Variants in SLC6A6 observed in about 807,000 individuals in gnomAD.
SLC6A6 encodes sodium- and chloride-dependent taurine transporter.
SLC6A6 carries 16 observed loss-of-function variants against 68.8 expected under a neutral mutation model. The observed-to-expected ratio is 0.23, with a 90% CI of 0.16 to 0.35. SLC6A6 has a LOEUF of 0.35. SLC6A6 is among the 10% of genes least tolerant of loss of function. The pLI is 1.00. For synonymous variants in SLC6A6, 312 were observed against 315.4 expected (o/e 0.99, Z 0.12); for missense variants, 474 against 802.8 (o/e 0.59, Z 4.95).
chr3:14,408,339 C>CT (rs1448103837), intron 1 of SLC6A6, among the ~76,000 whole-genome samples: 9,026 of 145,976 alleles, frequency 0.062, 886 homozygotes, highest in African/African-American at 0.21. Context: ...ATATCTCTTT[C>CT]TTTTTTTTTT....
intron 1 of SLC6A6, chr3:14,411,204 A>G (rs1196443623): frequency 2.0e-5 from 3 of 152,274 alleles, no homozygotes; most frequent in African/African-American, 7.2e-5. Context: ...TTAGCCTGGC[A>G]TTGGAGGCCC....
At chr3:14,466,265 TAA>T (rs11310077) in intron 6 of SLC6A6, among the ~76,000 whole-genome samples, 79 of 110,224 alleles carry the variant, frequency 7.2e-4, no homozygotes, top group Admixed American at 9.9e-4. Context: ...GTCTCAAATT[TAA>T]AAAAAAAAAA....
chr3:14,442,541 G>A (rs1390945516), intron 2 of SLC6A6, among the ~76,000 whole-genome samples: 1 of 152,244 alleles, frequency 6.6e-6, no homozygotes, highest in Non-Finnish European at 1.5e-5. Flanking sequence ...TCAGTTCTCA[G>A]AGAGCCAGGG....
At position 14,450,493 on chromosome 3, in the gene SLC6A6, C is replaced by T. The variant is rs571254307; in HGVS notation, c.599+2677C>T. Among the ~76,000 whole-genome samples, 2 of 152,342 alleles carry T rather than the reference C, an allele frequency of 1.3e-5. No homozygotes were observed. The highest frequency in any genetic ancestry group is 4.8e-5 in the African/African-American group (2 of 41,568). Reference sequence around the variant, plus strand: ...CTGCCAGCTTGGTACTCACCTCCCACTCCAGCTCTCACACCTCTCCTACCC... The same window carrying T: ...CTGCCAGCTTGGTACTCACCTCCCATTCCAGCTCTCACACCTCTCCTACCC... On this transcript the variant is annotated intron_variant, in intron 5 of 14. Coordinates refer to ENST00000622186, the MANE Select transcript of SLC6A6 (RefSeq NM_003043.6). The surrounding 1 kb of genome is among the most constrained non-coding windows in gnomAD (Gnocchi z 4.1).
chr3:14,452,005 T>TTGCTGGCAGGTGC (rs916666607), intron 5 of SLC6A6, among the ~76,000 whole-genome samples: 3 of 151,986 alleles, frequency 2.0e-5, no homozygotes, highest in African/African-American at 4.8e-5. Flanking sequence ...TCAGCAGGAG[T>TTGCTGGCAGGTGC]TGCTGGCAGG....
chr3:14,447,711 G>T lies in SLC6A6; in HGVS notation c.494G>T (p.Ser165Ile). ...KELPWAHCNH[S>I]WNTPHCMEDT... is the part of the protein sequence containing the mutation. ...CTGCCCTGGGCACACTGCAACCACA[G>T]CTGGAACACACCTCACTGCATGGAG... Residue 165 changes from serine (S) to isoleucine (I), a missense_variant, in exon 5 of 15, where the codon AGC becomes ATC. Transcript: ENST00000622186. 1.2e-6 allele frequency: 2 copies of T among 1,614,270 alleles called. No individual in the cohort carries two copies. Among genetic ancestry groups the T allele is most frequent in the Admixed American group, 1.7e-5 (1 of 60,036 alleles).
intron 3 of SLC6A6, 95 bp downstream of exon 3, chr3:14,443,958 T>G: frequency 1.2e-6 from 1 of 820,938 alleles, no homozygotes; most frequent in Non-Finnish European, 2.0e-6. Context: ...TCTCTTTCCC[T>G]GCTTTCCCTG....
chr3:14,476,123 G>A (rs1700873483), intron 10 of SLC6A6, among the ~76,000 whole-genome samples: 1 of 152,220 alleles, frequency 6.6e-6, no homozygotes, highest in Non-Finnish European at 1.5e-5. Flanking sequence ...GCCTTGGAGG[G>A]TGTGTTGGTT....
At chr3:14,408,289 T>C (rs1699155289) in intron 1 of SLC6A6, among the ~76,000 whole-genome samples, 1 of 152,156 alleles carries the variant, frequency 6.6e-6, no homozygotes, top group Non-Finnish European at 1.5e-5. Flanking sequence ...AAGTACAATC[T>C]GATCTTCAGT....
Position 14,481,052 on chromosome 3 carries a change from C to T in SLC6A6, c.1552-619C>T, listed in dbSNP as rs1700995105. The stretch of plus-strand genomic sequence containing the variant: ...ATCTACGCTGCTAGCACTTATGGTG[C>T]ACTTGTTGTATGTACCTGGAGCTGC... On this transcript the variant is annotated intron_variant, in intron 13 of 14. Coordinates refer to ENST00000622186, the MANE Select transcript of SLC6A6 (RefSeq NM_003043.6). The surrounding 1 kb of genome is among the most constrained non-coding windows in gnomAD (Gnocchi z 4.7). 6.6e-6 allele frequency among the ~76,000 whole-genome samples: 1 copy of T among 152,342 alleles called. No individual in the cohort carries two copies. The highest frequency in any genetic ancestry group is 1.9e-4 in the East Asian group (1 of 5,174).
chr3:14,461,241 A>G (rs2124971667), intron 6 of SLC6A6, among the ~76,000 whole-genome samples: 1 of 152,228 alleles, frequency 6.6e-6, no homozygotes, highest in African/African-American at 2.4e-5. Context: ...AATCCTCCTC[A>G]TGGTTTGGAG....
intron 5 of SLC6A6, chr3:14,448,217 G>T: frequency 2.5e-6 from 1 of 397,034 alleles, no homozygotes; most frequent in Non-Finnish European, 3.6e-6. Context: ...GTAGTTAAGT[G>T]GAAAGTGAGT....
At chr3:14,482,715 G>A (rs1205064955) in intron 14 of SLC6A6, among the ~76,000 whole-genome samples, 4 of 152,182 alleles carry the variant, frequency 2.6e-5, no homozygotes, top group Non-Finnish European at 5.9e-5. Context: ...GAAGCTGGCA[G>A]GGCAGGAGGA....
intron 10 of SLC6A6, among the ~76,000 whole-genome samples, chr3:14,476,774 C>T (rs1308729947): frequency 6.6e-6 from 1 of 152,234 alleles, no homozygotes; most frequent in African/African-American, 2.4e-5. Flanking sequence ...TTATCTTCCA[C>T]GAGGATGGAG....
chr3:14,447,392 C>G (rs1196839865), intron 4 of SLC6A6, among the ~76,000 whole-genome samples, 190 bp from the exon 5 acceptor site: 1 of 152,218 alleles, frequency 6.6e-6, no homozygotes, highest in African/African-American at 2.4e-5. Flanking sequence ...TCCCATTTAT[C>G]TAACCATCTG....
At chr3:14,436,766 C>G (rs963812667) in intron 2 of SLC6A6, among the ~76,000 whole-genome samples, 4 of 152,080 alleles carry the variant, frequency 2.6e-5, no homozygotes, top group African/African-American at 9.7e-5. Context: ...GCCATCTGTC[C>G]TGCCTGAGTC....
At chr3:14,430,310 T>G (rs568172179) in intron 2 of SLC6A6, among the ~76,000 whole-genome samples, 1 of 151,920 alleles carries the variant, frequency 6.6e-6, no homozygotes, top group African/African-American at 2.4e-5. Flanking sequence ...GCTAAGCACG[T>G]GGGAGCAGAG....
chr3:14,473,176 GC>G (rs2124988985), intron 10 of SLC6A6, among the ~76,000 whole-genome samples: 1 of 152,306 alleles, frequency 6.6e-6, no homozygotes, highest in African/African-American at 2.4e-5. Flanking sequence ...GAGCTCCTGG[GC>G]CCCTTTCCCT....
At chr3:14,403,241 C>T (rs997745162) in intron 1 of SLC6A6, among the ~76,000 whole-genome samples, 5 of 151,872 alleles carry the variant, frequency 3.3e-5, no homozygotes, top group South Asian at 2.1e-4. Flanking sequence ...ATGTGTGTTC[C>T]GGTGCATGTC....
Sources: gnomAD v4.1 joint callset for allele counts (sites outside exome capture counted in the v4.1 genomes callset) on GRCh38, gnomAD v4.1.1 for gene constraint, Gnocchi (gnomAD v3.1) non-coding constraint, MANE v1.5 for transcripts, NCBI Gene and HGNC (gene_info 2026-07-23, HGNC 2026-07-21) for gene names.